Variants in NEBL observed in about 807,000 individuals in gnomAD.
The protein encoded by NEBL is nebulette, also known as LIM and SH3 protein 2.
A neutral mutation model predicts 140.2 loss-of-function variants in NEBL; 122 were observed. That is an observed-to-expected ratio of 0.87 (90% CI 0.75 to 1.01). NEBL has a LOEUF of 1.01. NEBL is among the 50% of genes least tolerant of loss of function. The pLI, the probability that NEBL is intolerant of heterozygous loss-of-function variation, is 0.00. For synonymous variants in NEBL, 436 were observed against 398.9 expected (o/e 1.09, Z -1.11); for missense variants, 1,365 against 1,231.3 (o/e 1.11, Z -1.62).
chr10:20,833,198 C>T (rs1840581280), intron 14 of NEBL, among the ~76,000 whole-genome samples: 1 of 152,148 alleles, frequency 6.6e-6, no homozygotes, highest in Admixed American at 6.5e-5. Flanking sequence ...CATCTACATT[C>T]CAAGAGGGCA....
rs533138662 is a variant in NEBL at position 21,223,662 on chromosome 10, C to G, written n.348+24259G>C. On this transcript the variant is annotated intron_variant and non_coding_transcript_variant, in intron 3 of 8. Coordinates refer to the NEBL transcript ENST00000675702. ...GTAGTTGTATTAATTTACATTCCCA[C>G]CAATAGTGTATGAGGGTTCCCTTTT... 2.6e-5 allele frequency among the ~76,000 whole-genome samples: 4 copies of G among 152,288 alleles called. No homozygotes were observed. In the South Asian group the frequency reaches 8.3e-4, roughly 32 times the overall value.
chr10:21,136,049 T>TCC (rs1331519520), intron 2 of NEBL, among the ~76,000 whole-genome samples: 2 of 151,892 alleles, frequency 1.3e-5, no homozygotes, highest in Non-Finnish European at 2.9e-5. Flanking sequence ...AACCAGGGAG[T>TCC]CCCCAACCTC....
intron 3 of NEBL, among the ~76,000 whole-genome samples, chr10:21,197,183 C>T (rs1314407318): frequency 1.3e-5 from 2 of 152,204 alleles, no homozygotes; most frequent in Non-Finnish European, 2.9e-5. Context: ...GCACTGAGCC[C>T]TGGCTGTGCA....
At chr10:21,268,307 G>A (rs976781637) in intron 1 of NEBL, among the ~76,000 whole-genome samples, 6 of 151,818 alleles carry the variant, frequency 4.0e-5, no homozygotes, top group Admixed American at 1.3e-4. Context: ...CTGTCTCTTC[G>A]AAAAATAATT....
chr10:20,830,912 TAAAAAAAAA>T (rs371760760), intron 16 of NEBL, among the ~76,000 whole-genome samples: 1 of 92,368 alleles, frequency 1.1e-5, no homozygotes, highest in Non-Finnish European at 2.1e-5. Context: ...CTCTAAAATT[TAAAAAAAAA>T]AAAAAAAAAA....
Position 20,930,475 on chromosome 10 carries a change from T to C in NEBL, c.357+31197A>G, listed in dbSNP as rs575826525. ...TCCTAGACATCAGCCAAGGTAGTCT[T>C]TTTGAAAATGCAAATTAAATTGTAT... On this transcript the variant is annotated intron_variant, in intron 4 of 6. Transcript: ENST00000417816. Among the ~76,000 whole-genome samples the C allele has an allele frequency of 1.7e-4, 26 of 152,312 alleles. 1 individual carries two copies. Among genetic ancestry groups the C allele is most frequent in the African/African-American group, 6.3e-4 (26 of 41,566 alleles).
At chr10:20,854,561 CTTTTTTTTTT>C (rs71390794) in intron 9 of NEBL, among the ~76,000 whole-genome samples, 15 of 107,268 alleles carry the variant, frequency 1.4e-4, no homozygotes, top group Admixed American at 5.9e-4. Context: ...TCATATAGTA[CTTTTTTTTTT>C]TTTTTTTTTT....
At chr10:21,151,499 A>G (rs625903) in intron 2 of NEBL, among the ~76,000 whole-genome samples, 75,080 of 152,062 alleles carry the variant, frequency 0.49, 20,665 homozygotes, top group African/African-American at 0.74. Context: ...TATTTTTACA[A>G]CCAGCCAAAG....
intron 4 of NEBL, among the ~76,000 whole-genome samples, chr10:20,886,793 G>A (rs549695403): frequency 2.2e-4 from 33 of 152,224 alleles, no homozygotes; most frequent in African/African-American, 7.2e-4. Context: ...ATAAATACAC[G>A]TGAAATGCAT....
rs770912703 is a variant in NEBL, at chr10:20,868,738, T to C, written c.610A>G (p.Met204Val). ...CCAATTACAGCGGGCTCTTTATTCA[T>C]TATTCCTTGTCCTTTCTTGTATTCT... ...NAEYKKGQGI[M>V]NKEPAVIGRP... The change falls in exon 7 of 28, where the codon ATG becomes GTG. Residue 204 changes from methionine (M) to valine (V), a missense_variant. This residue lies in a region of NEBL where 1,323 missense variants were observed against 1,154.8 expected (regional missense o/e 1.15). Transcript: ENST00000377122. 1.2e-6 allele frequency: 2 copies of C among 1,611,272 alleles called. No homozygotes were observed. The highest frequency in any genetic ancestry group is 2.2e-5 in the South Asian group (2 of 91,020).
At chr10:21,193,450 T>C (rs148051822) in intron 3 of NEBL, among the ~76,000 whole-genome samples, 1 of 152,108 alleles carries the variant, frequency 6.6e-6, no homozygotes, top group Non-Finnish European at 1.5e-5. Flanking sequence ...CCATTATCTA[T>C]CCCTTCATCA....
At chr10:21,052,585 G>C (rs1003531856) in intron 2 of NEBL, among the ~76,000 whole-genome samples, 1 of 152,156 alleles carries the variant, frequency 6.6e-6, no homozygotes, top group Non-Finnish European at 1.5e-5. Context: ...TTGGTCAGCG[G>C]GGTATAGAAG....
chr10:20,865,342 G>A (rs788997), intron 7 of NEBL, among the ~76,000 whole-genome samples: 146,637 of 152,284 alleles, frequency 0.96, 70,788 homozygotes, highest in Middle Eastern at 1. Flanking sequence ...CTTCACAGCA[G>A]CCCTGAGAAG....
chr10:21,077,904 G>C (rs538733251), intron 2 of NEBL, among the ~76,000 whole-genome samples: 1 of 152,056 alleles, frequency 6.6e-6, no homozygotes, highest in Non-Finnish European at 1.5e-5. Flanking sequence ...TCATGACCAC[G>C]AGAAAGTACT....
At chr10:21,227,714 C>CT (rs1315053643) in intron 3 of NEBL, among the ~76,000 whole-genome samples, 704 of 63,608 alleles carry the variant, frequency 0.011, 3 homozygotes, top group East Asian at 0.015. Flanking sequence ...CTTCTTCTTT[C>CT]TTCTTCTTCT....
intron 27 of NEBL, 66 bp downstream of exon 27, chr10:20,787,136 G>T: frequency 8.6e-7 from 1 of 1,164,378 alleles, no homozygotes; most frequent in Non-Finnish European, 1.3e-6. Flanking sequence ...TATTCCACAT[G>T]TATTTACATG....
chr10:20,924,437 A>AG, intron 4 of NEBL, among the ~76,000 whole-genome samples: 1 of 150,550 alleles, frequency 6.6e-6, no homozygotes, highest in Admixed American at 6.6e-5. Flanking sequence ...AAAAAAAAAA[A>AG]AGGCTACACC....
At chr10:21,191,392 C>T (rs1406294168) in intron 3 of NEBL, among the ~76,000 whole-genome samples, 2 of 152,210 alleles carry the variant, frequency 1.3e-5, no homozygotes, top group Non-Finnish European at 2.9e-5. Context: ...AGGCAAGAAT[C>T]TGGATTTTCA....
At chr10:20,935,147 T>G (rs1456670678) in intron 4 of NEBL, among the ~76,000 whole-genome samples, 1 of 152,128 alleles carries the variant, frequency 6.6e-6, no homozygotes, top group African/African-American at 2.4e-5. Context: ...GGAAATTCAA[T>G]CAGTCCTTCA....
Sources: allele counts gnomAD v4.1 joint callset (sites outside exome capture counted in the v4.1 genomes callset), GRCh38; gene constraint gnomAD v4.1.1; regional missense constraint gnomAD v4.1.1; transcripts MANE v1.5; gene names NCBI Gene and HGNC (gene_info 2026-07-23, HGNC 2026-07-21).